SOX5: variants seen among roughly 807,000 people sequenced by gnomAD.
SOX5 encodes the protein transcription factor SOX-5.
A neutral mutation model predicts 92.0 loss-of-function variants in SOX5; 9 were observed. The observed-to-expected ratio is 0.10, with a 90% CI of 0.06 to 0.17. SOX5 has a LOEUF of 0.17. Ranked by LOEUF, SOX5 falls within the 10% of genes least tolerant of loss-of-function variation. The pLI is 1.00. For synonymous variants in SOX5, 344 were observed against 336.3 expected, an observed-to-expected ratio of 1.02 and a Z score of -0.25; for missense variants, 642 against 944.5, an observed-to-expected ratio of 0.68 and a Z score of 4.20.
intron 4 of SOX5, among the ~76,000 whole-genome samples, chr12:24,063,129 C>T (rs1367884316): frequency 6.6e-6 from 1 of 152,152 alleles, no homozygotes; most frequent in Non-Finnish European, 1.5e-5. Context: ...GAAGAATTCA[C>T]CCACACACTC....
intron 4 of SOX5, among the ~76,000 whole-genome samples, chr12:24,064,433 T>A (rs1330349185): frequency 2.0e-5 from 3 of 152,254 alleles, no homozygotes; most frequent in African/African-American, 7.2e-5. Flanking sequence ...TATGTGCTCA[T>A]CTATTAAGTT....
At chr12:24,012,186 C>A (rs1012052789) in intron 4 of SOX5, among the ~76,000 whole-genome samples, 1 of 152,054 alleles carries the variant, frequency 6.6e-6, no homozygotes, top group East Asian at 1.9e-4. Context: ...GGTTATTTAG[C>A]GGACAAGTGG....
rs1219219416 is a variant in SOX5 at position 24,141,921 on chromosome 12, T to C, written c.-2+71422A>G. ...GTTTATATTCGGGTATGATGGTCTCTGTGAATGGGAAGGAATCCTTAACTA... is the reference window on the plus strand; with the variant it reads ...GTTTATATTCGGGTATGATGGTCTCCGTGAATGGGAAGGAATCCTTAACTA... On this transcript the variant is annotated intron_variant, in intron 4 of 4. Transcript: ENST00000446891. Among the ~76,000 whole-genome samples, 11 of 152,152 alleles carry C rather than the reference T, an allele frequency of 7.2e-5. No individual in the cohort carries two copies. The South Asian group carries it at 2.1e-3, about 29-fold the overall frequency.
At position 23,638,417 on chromosome 12, in the gene SOX5, C is replaced by G. The variant is rs1277168561; in HGVS notation, c.1017+2395G>C. ...GGACTGGAAAGTGATGCAGTCTACTCAAGATATTAAGATATGGAAAATAGA... is the reference window on the plus strand; with the variant it reads ...GGACTGGAAAGTGATGCAGTCTACTGAAGATATTAAGATATGGAAAATAGA... On this transcript the variant is annotated intron_variant, in intron 8 of 14. Transcript: ENST00000451604. 3.3e-5 allele frequency: 5 copies of G among 152,100 alleles called. No individual in the cohort carries two copies. In the East Asian group the frequency reaches 7.7e-4, roughly 24 times the overall value. The allele number at this position is 152,100 out of a possible 1,614,324, so 9.4% of individuals were successfully genotyped here.
At chr12:24,524,126 C>T (rs1400892939) in intron 1 of SOX5, among the ~76,000 whole-genome samples, 1 of 152,142 alleles carries the variant, frequency 6.6e-6, no homozygotes, top group Non-Finnish European at 1.5e-5. Flanking sequence ...TGGGGAAGAA[C>T]CACTTTCAGT....
At chr12:23,951,953 C>A (rs926154737), upstream of SOX5, among the ~76,000 whole-genome samples, 2 of 152,110 alleles carry the variant, frequency 1.3e-5, no homozygotes, top group African/African-American at 4.8e-5. Context: ...TCTATTTTTT[C>A]AGCCCTTAAG....
chr12:24,245,361 T>A (rs913074344), intron 3 of SOX5, among the ~76,000 whole-genome samples: 1 of 21,730 alleles, frequency 4.6e-5, no homozygotes, highest in African/African-American at 2.2e-4. Flanking sequence ...AATGAGTTAA[T>A]AAATTAATGA....
intron 1 of SOX5, among the ~76,000 whole-genome samples, chr12:24,420,423 T>C (rs1965738294): frequency 6.6e-6 from 1 of 152,122 alleles, no homozygotes; most frequent in Non-Finnish European, 1.5e-5. Context: ...TGTCCAAAGA[T>C]GAGACCATTT....
intron 6 of SOX5, among the ~76,000 whole-genome samples, chr12:23,715,534 A>G (rs1407452099): frequency 6.6e-6 from 1 of 152,156 alleles, no homozygotes; most frequent in Admixed American, 6.5e-5. Context: ...CAGAAATTAT[A>G]TACTTACTTC....
chr12:24,293,096 C>A (rs113537671), intron 2 of SOX5, among the ~76,000 whole-genome samples: 15 of 152,260 alleles, frequency 9.9e-5, no homozygotes, highest in African/African-American at 3.6e-4. Flanking sequence ...CAAGAGACTG[C>A]AGATGATATC....
chr12:23,735,498 G>A (rs1216593875), intron 5 of SOX5, among the ~76,000 whole-genome samples: 1 of 151,932 alleles, frequency 6.6e-6, no homozygotes, highest in Non-Finnish European at 1.5e-5. Flanking sequence ...CTCCTTCTTA[G>A]TCACCTTTAA....
chr12:23,761,827 G>T (rs758336353), intron 3 of SOX5, among the ~76,000 whole-genome samples: 13 of 152,000 alleles, frequency 8.6e-5, no homozygotes, highest in Non-Finnish European at 1.8e-4. Flanking sequence ...TTTAAATTAG[G>T]TACTGTTAAC....
rs142986905 is a variant in SOX5, at chr12:23,833,206, A to G, written c.481+12777T>C. Among the ~76,000 whole-genome samples the G allele has an allele frequency of 2.4e-3, 361 of 152,126 alleles. 3 individuals carry two copies. The highest frequency in any genetic ancestry group is 8.5e-3 in the African/African-American group (354 of 41,546). On this transcript the variant is annotated intron_variant, in intron 3 of 14. Coordinates refer to ENST00000451604, the MANE Select transcript of SOX5 (RefSeq NM_006940.6). Reference sequence around the variant, plus strand: ...ACCTCTGAGGGAAGCTTGGAAGACTAGAAGGAACAGGAAAGGTCTTAACAG... The same window carrying G: ...ACCTCTGAGGGAAGCTTGGAAGACTGGAAGGAACAGGAAAGGTCTTAACAG...
chr12:24,459,984 C>T (rs1243439373), intron 1 of SOX5, among the ~76,000 whole-genome samples: 2 of 152,100 alleles, frequency 1.3e-5, no homozygotes, highest in Non-Finnish European at 2.9e-5. Context: ...GATTTCTGAG[C>T]ATATTTTCAG....
At chr12:24,349,008 C>A (rs1432299361) in intron 2 of SOX5, among the ~76,000 whole-genome samples, 1 of 152,314 alleles carries the variant, frequency 6.6e-6, no homozygotes, top group East Asian at 1.9e-4. Flanking sequence ...TTATAAATTA[C>A]CCAGTCTCAG....
chr12:24,107,825 G>A (rs1436001878), intron 4 of SOX5, among the ~76,000 whole-genome samples: 1 of 152,142 alleles, frequency 6.6e-6, no homozygotes, highest in Non-Finnish European at 1.5e-5. Flanking sequence ...ATTAAAACGA[G>A]AAAGATGACA....
At chr12:24,501,165 C>T (rs1440201526) in intron 1 of SOX5, among the ~76,000 whole-genome samples, 2 of 152,166 alleles carry the variant, frequency 1.3e-5, no homozygotes, top group African/African-American at 4.8e-5. Flanking sequence ...ACCAGACAAA[C>T]ACTAAACACA....
chr12:23,615,228 A>T (rs890870575), intron 8 of SOX5, among the ~76,000 whole-genome samples: 1 of 152,042 alleles, frequency 6.6e-6, no homozygotes, highest in East Asian at 1.9e-4. Flanking sequence ...TGTACTTATT[A>T]GCCATTCCTG....
chr12:24,147,850 A>G (rs926485001), intron 4 of SOX5, among the ~76,000 whole-genome samples: 21 of 152,230 alleles, frequency 1.4e-4, no homozygotes, highest in African/African-American at 2.7e-4. Context: ...TAAAAAATGT[A>G]TAAGACCTAC....
Sources: allele counts gnomAD v4.1 joint callset (sites outside exome capture counted in the v4.1 genomes callset), GRCh38; gene constraint gnomAD v4.1.1; transcripts MANE v1.5; gene names NCBI Gene and HGNC (gene_info 2026-07-23, HGNC 2026-07-21).